MARCHF1: variants seen among roughly 807,000 people sequenced by gnomAD.
The protein encoded by MARCHF1 is E3 ubiquitin-protein ligase MARCHF1.
In MARCHF1, 40 loss-of-function variants were observed where a neutral mutation model predicts 54.2. The ratio of observed to expected loss-of-function variants is 0.74; its 90% CI spans 0.57 to 0.96. The LOEUF is 0.96. MARCHF1 is among the 40% of genes least tolerant of loss of function. The pLI, the probability that MARCHF1 is intolerant of heterozygous loss-of-function variation, is 0.00. For missense variants in MARCHF1, 586 were observed against 656.5 expected, an observed-to-expected ratio of 0.89 and a Z score of 1.17; for synonymous variants, 236 against 236.3, an observed-to-expected ratio of 1.00 and a Z score of 0.01.
chr4:164,138,257 T>G (rs79121053), intron 1 of MARCHF1, among the ~76,000 whole-genome samples: 1 of 147,526 alleles, frequency 6.8e-6, no homozygotes, highest in East Asian at 2.0e-4. Context: ...GTTAAGTTTC[T>G]TTTTTTTTTT....
Position 164,071,809 on chromosome 4 carries a change from C to T in MARCHF1, c.-248+39779G>A, listed in dbSNP as rs72985804. Among the ~76,000 whole-genome samples, 950 of 152,152 alleles carry T rather than the reference C, an allele frequency of 6.2e-3. 17 individuals carry two copies. Among genetic ancestry groups the T allele is most frequent in the African/African-American group, 0.022 (906 of 41,508 alleles). ...CTCCTGTAAGTATACACTTACCACA[C>T]GGCACATATATGTAAGTATACACTT... On this transcript the variant is annotated intron_variant, in intron 2 of 9. Coordinates refer to ENST00000514618, the MANE Select transcript of MARCHF1 (RefSeq NM_001394959.1).
At chr4:164,327,141 G>A (rs185778652) in intron 1 of MARCHF1, among the ~76,000 whole-genome samples, 1 of 152,136 alleles carries the variant, frequency 6.6e-6, no homozygotes, top group Admixed American at 6.6e-5. Context: ...AATAAAAATA[G>A]TAATCAGAAA....
At chr4:164,074,396 C>T (rs71614795) in intron 2 of MARCHF1, among the ~76,000 whole-genome samples, 7,004 of 152,040 alleles carry the variant, frequency 0.046, 218 homozygotes, top group Middle Eastern at 0.14. Context: ...AACAGGTACA[C>T]GATTTTAGAG....
intron 1 of MARCHF1, among the ~76,000 whole-genome samples, chr4:164,186,261 C>T (rs901659298): frequency 4.6e-5 from 7 of 152,160 alleles, no homozygotes; most frequent in Non-Finnish European, 7.4e-5. Flanking sequence ...ACGTGAATAA[C>T]GTGTTAAATT....
At chr4:164,316,805 TAGTG>T (rs1051313984) in intron 1 of MARCHF1, among the ~76,000 whole-genome samples, 72 of 152,278 alleles carry the variant, frequency 4.7e-4, no homozygotes, top group African/African-American at 1.6e-3. Flanking sequence ...ATTCTCCTGG[TAGTG>T]AGTGAGTTCT....
chr4:164,093,396 T>C (rs1755344813), intron 2 of MARCHF1, among the ~76,000 whole-genome samples: 1 of 152,148 alleles, frequency 6.6e-6, no homozygotes, highest in African/African-American at 2.4e-5. Flanking sequence ...AGGCAACCAA[T>C]ACTATTGTTG....
At position 164,354,447 on chromosome 4, in the gene MARCHF1, G is replaced by A. The variant is rs1274653935; in HGVS notation, c.-323+29423C>T. ...AGTGGGCTTCATCCCTGGGATGCAAGGCTGGTTCAATATACGCAAATCAAC... is the reference window on the plus strand; with the variant it reads ...AGTGGGCTTCATCCCTGGGATGCAAAGCTGGTTCAATATACGCAAATCAAC... On this transcript the variant is annotated intron_variant, in intron 1 of 9. Transcript: ENST00000514618. 7.6e-3 allele frequency among the ~76,000 whole-genome samples: 1,014 copies of A among 133,004 alleles called. 26 individuals are homozygous for A. Among genetic ancestry groups the A allele is most frequent in the African/African-American group, 0.027 (957 of 35,498 alleles). 87.3% of individuals were successfully genotyped at this position (133,004 alleles called of 152,430 possible).
At chr4:164,274,980 T>C (rs1030177844) in intron 1 of MARCHF1, among the ~76,000 whole-genome samples, 2 of 151,510 alleles carry the variant, frequency 1.3e-5, no homozygotes, top group African/African-American at 4.8e-5. Flanking sequence ...CCGGCCAGGG[T>C]ACACTTTTAA....
intron 1 of MARCHF1, among the ~76,000 whole-genome samples, chr4:164,241,895 C>T (rs1732772592): frequency 6.6e-6 from 1 of 152,210 alleles, no homozygotes; most frequent in African/African-American, 2.4e-5. Context: ...AGGTCACTCC[C>T]ACCCGAATAC....
chr4:164,281,381 A>G (rs374144077), intron 1 of MARCHF1, among the ~76,000 whole-genome samples: 4 of 152,294 alleles, frequency 2.6e-5, no homozygotes, highest in Admixed American at 6.5e-5. Flanking sequence ...GCACTCTGAT[A>G]GGAATAAAAC....
intron 1 of MARCHF1, among the ~76,000 whole-genome samples, chr4:164,235,972 G>A (rs951810903): frequency 6.6e-6 from 1 of 152,018 alleles, no homozygotes; most frequent in African/African-American, 2.4e-5. Flanking sequence ...ACAAGGAGAG[G>A]CCGCATTGCT....
At chr4:163,733,201 A>ATACACATACACATG in intron 4 of MARCHF1, among the ~76,000 whole-genome samples, 1 of 34,260 alleles carries the variant, frequency 2.9e-5, no homozygotes, top group African/African-American at 8.8e-5. Context: ...ATATATATAT[A>ATACACATACACATG]TATATATATA....
At chr4:163,730,443 T>C (rs570091302) in intron 4 of MARCHF1, among the ~76,000 whole-genome samples, 24 of 152,300 alleles carry the variant, frequency 1.6e-4, no homozygotes, top group African/African-American at 5.8e-4. Flanking sequence ...TCGTACTTTT[T>C]CATTTATTTT....
intron 1 of MARCHF1, among the ~76,000 whole-genome samples, chr4:164,346,590 C>CTGTATGTATGTA (rs1182576618): frequency 3.7e-5 from 2 of 53,678 alleles, no homozygotes; most frequent in South Asian, 6.3e-4. Flanking sequence ...GTCCTCAAAC[C>CTGTATGTATGTA]TGTATGTATG....
chr4:163,884,204 C>A (rs951239085), intron 3 of MARCHF1, among the ~76,000 whole-genome samples: 5 of 151,930 alleles, frequency 3.3e-5, no homozygotes, highest in Admixed American at 3.3e-4. Context: ...TTCTGAGAGA[C>A]CACCCCCCAG....
intron 1 of MARCHF1, among the ~76,000 whole-genome samples, chr4:164,182,335 T>C (rs2111017626): frequency 6.6e-6 from 1 of 152,068 alleles, no homozygotes; most frequent in South Asian, 2.1e-4. Flanking sequence ...AATATTTCTA[T>C]AAAATATTTT....
intron 1 of MARCHF1, among the ~76,000 whole-genome samples, chr4:164,239,537 G>T (rs1732665408): frequency 6.6e-6 from 1 of 152,068 alleles, no homozygotes; most frequent in Non-Finnish European, 1.5e-5. Flanking sequence ...TGACAACTTT[G>T]ATTTTCCTGC....
chr4:164,278,369 A>C (rs1241512788), intron 1 of MARCHF1, among the ~76,000 whole-genome samples: 1 of 152,190 alleles, frequency 6.6e-6, no homozygotes, highest in African/African-American at 2.4e-5. Context: ...GTCAAAGATA[A>C]GAAAAATTAG....
At chr4:163,624,219 C>A (rs2110968537) in intron 5 of MARCHF1, among the ~76,000 whole-genome samples, 1 of 152,272 alleles carries the variant, frequency 6.6e-6, no homozygotes, top group African/African-American at 2.4e-5. Flanking sequence ...CAACTATCAA[C>A]CGAGAATGCT....
Sources: gnomAD v4.1 joint callset for allele counts (sites outside exome capture counted in the v4.1 genomes callset) on GRCh38, gnomAD v4.1.1 for gene constraint, MANE v1.5 for transcripts, NCBI Gene and HGNC (gene_info 2026-07-23, HGNC 2026-07-21) for gene names.